The following TET2 variants were observed in gnomAD, a reference collection of about 807,000 sequenced individuals.
The protein encoded by TET2 is methylcytosine dioxygenase TET2.
TET2 carries 299 observed loss-of-function variants against 142.9 expected under a neutral mutation model. The observed-to-expected ratio is 2.09, with a 90% CI of 1.90 to 2.30. TET2 has a LOEUF of 2.30. Ranked by LOEUF, TET2 falls within the 30% of genes most tolerant of loss-of-function variation. TET2 has a pLI of 0.00. For missense variants in TET2, 2,418 were observed against 2,378.0 expected (o/e 1.02, Z -0.35); for synonymous variants, 819 against 849.0 (o/e 0.96, Z 0.61).
chr4:105,242,321 G>A (rs1385678314), intron 4 of TET2: 2 of 1,078,162 alleles, frequency 1.9e-6, no homozygotes, highest in African/African-American at 1.6e-5. Flanking sequence ...TGGTGCTTTG[G>A]TCATAAGGGA....
rs555109845 is a variant in TET2 at position 105,180,271 on chromosome 4, C to A, written c.-192-10089C>A. 1.1e-4 allele frequency among the ~76,000 whole-genome samples: 16 copies of A among 152,270 alleles called. 1 individual carries two copies. In the South Asian group the frequency reaches 3.3e-3, roughly 32 times the overall value. ...ATGCAGAGTCAGTGGCTTCTTTTTG[C>A]CAAACTCCACTTTGCTCAGTGATAA... On this transcript the variant is annotated intron_variant, in intron 1 of 10. Coordinates refer to ENST00000380013, the MANE Select transcript of TET2 (RefSeq NM_001127208.3).
At chr4:105,150,598 C>T (rs983075602) in intron 1 of TET2, among the ~76,000 whole-genome samples, 6 of 152,198 alleles carry the variant, frequency 3.9e-5, no homozygotes, top group Admixed American at 3.3e-4. Context: ...TCTCCCAAGC[C>T]AACTTTACAA....
At position 105,277,881 on chromosome 4, in the gene TET2, T is replaced by A; in HGVS notation, c.*1362T>A. On this transcript the variant is annotated 3_prime_UTR_variant, in exon 11 of 11. Transcript: ENST00000380013. ...AGAGAACTGAATGGCAGTCTGCCTT[T>A]GTGTTGATAATTATGTACATTGTGA... is the stretch of plus-strand genomic sequence containing the variant. The A allele has an allele frequency of 4.5e-6, 1 of 221,804 alleles. No individual in the cohort carries two copies. Among genetic ancestry groups the A allele is most frequent in the Non-Finnish European group, 9.0e-6 (1 of 110,948 alleles). The allele number at this position is 221,804 out of a possible 1,614,324, so 13.7% of individuals were successfully genotyped here. A position where few individuals can be genotyped will look rare whatever the true frequency, so the allele number is the denominator to read the frequency against.
At chr4:105,217,252 G>C (rs1159546710) in intron 2 of TET2, among the ~76,000 whole-genome samples, 1 of 151,986 alleles carries the variant, frequency 6.6e-6, no homozygotes, top group African/African-American at 2.4e-5. Flanking sequence ...TGAAGAGCGT[G>C]AATCATTAGA....
At chr4:105,180,898 C>T (rs2110449466) in intron 1 of TET2, among the ~76,000 whole-genome samples, 1 of 152,280 alleles carries the variant, frequency 6.6e-6, no homozygotes, top group Non-Finnish European at 1.5e-5. Flanking sequence ...CGCAGCCTCC[C>T]AAAGTGCTGG....
At chr4:105,185,539 C>T (rs541911288) in intron 1 of TET2, among the ~76,000 whole-genome samples, 21 of 151,586 alleles carry the variant, frequency 1.4e-4, no homozygotes, top group Non-Finnish European at 2.2e-4. Context: ...CCAGCACTTT[C>T]GGAGGCCGAG....
chr4:105,166,477 T>C lies in TET2; in HGVS notation c.-193+19498T>C, dbSNP rs1319160020. Among the ~76,000 whole-genome samples the C allele has an allele frequency of 4.6e-5, 7 of 152,214 alleles. No homozygotes were observed. In the East Asian group the frequency reaches 1.3e-3, roughly 29 times the overall value. Reference sequence around the variant, plus strand: ...TTGATGAATGAAATACACTTTCTTCTTGAAGTCTGATTTTTCTGTTCTAAT... The same window carrying C: ...TTGATGAATGAAATACACTTTCTTCCTGAAGTCTGATTTTTCTGTTCTAAT... On this transcript the variant is annotated intron_variant, in intron 1 of 10. Transcript: ENST00000380013.
rs2110254221 is a variant in TET2 at position 105,243,552 on chromosome 4, G to T, written c.3595-18G>T. 1 of 1,551,198 alleles carries T rather than the reference G, an allele frequency of 6.4e-7. No individual in the cohort carries two copies. Among genetic ancestry groups the T allele is most frequent in the Non-Finnish European group, 8.7e-7 (1 of 1,146,692 alleles). ...GTTGGGGTGGGGGGTGTTTGGGATG[G>T]AATGGTGATCCACGCAGGTGGTTCG... is the stretch of plus-strand genomic sequence containing the variant. On this transcript the variant is annotated intron_variant, in intron 5 of 10. Coordinates refer to ENST00000380013, the MANE Select transcript of TET2 (RefSeq NM_001127208.3).
At chr4:105,217,185 T>C (rs1288469879) in intron 2 of TET2, among the ~76,000 whole-genome samples, 1 of 152,030 alleles carries the variant, frequency 6.6e-6, no homozygotes, top group African/African-American at 2.4e-5. Context: ...TTGGATGGTC[T>C]GTTTAGCTCA....
chr4:105,185,238 T>G (rs73836040), intron 1 of TET2, among the ~76,000 whole-genome samples: 3,688 of 152,216 alleles, frequency 0.024, 160 homozygotes, highest in African/African-American at 0.085. Context: ...TAGAATTATT[T>G]ACCTTTCCCC....
intron 1 of TET2, among the ~76,000 whole-genome samples, chr4:105,153,157 G>A (rs995337821): frequency 3.3e-5 from 5 of 152,086 alleles, no homozygotes; most frequent in African/African-American, 7.2e-5. Flanking sequence ...GAGATTCCAC[G>A]TATACTTGCT....
Position 105,276,692 on chromosome 4 carries a change from T to A in TET2, c.*173T>A, listed in dbSNP as rs1731239654. On this transcript the variant is annotated 3_prime_UTR_variant, in exon 11 of 11. Coordinates refer to ENST00000380013, the MANE Select transcript of TET2 (RefSeq NM_001127208.3). ...AGGTTATCTTACCATAGCACTTAAT[T>A]TTCACTGGCTCCCAAGTGGTCACAG... The A allele has an allele frequency of 2.0e-5, 14 of 690,074 alleles. No individual in the cohort carries two copies. The South Asian group carries it at 3.5e-4, about 17-fold the overall frequency. 42.7% of individuals were successfully genotyped at this position (690,074 alleles called of 1,614,324 possible). A position where few individuals can be genotyped will look rare whatever the true frequency, so the allele number is the denominator to read the frequency against.
Position 105,235,666 on chromosome 4 carries a change from C to G in TET2, c.1724C>G (p.Ala575Gly), listed in dbSNP as rs199640757. 4 of 1,614,000 alleles carry G rather than the reference C, an allele frequency of 2.5e-6. No individual in the cohort carries two copies. The African/African-American group carries it at 5.3e-5, about 22-fold the overall frequency. The stretch of plus-strand genomic sequence containing the variant: ...TTGAAGGCCCCTCGTTTTCACCAAG[C>G]GGAATCCCATCTAAAACGTAATGAG... ...IELKAPRFHQ[A>G]ESHLKRNEAS... The change falls in exon 3 of 11, where the codon GCG becomes GGG. Residue 575 changes from alanine (A) to glycine (G), a missense_variant. Physicochemically the swap from Ala to Gly is moderately conservative, Grantham distance 60 (BLOSUM62 0). Transcript: ENST00000380013.
intron 6 of TET2, among the ~76,000 whole-genome samples, chr4:105,244,443 G>GT (rs1729473458): frequency 1.3e-5 from 2 of 152,082 alleles, no homozygotes; most frequent in Non-Finnish European, 2.9e-5. Flanking sequence ...AGTTGCTAAT[G>GT]TTTTGTTTTA....
chr4:105,261,408 A>G (rs572285689), intron 7 of TET2, among the ~76,000 whole-genome samples: 1 of 152,246 alleles, frequency 6.6e-6, no homozygotes, highest in East Asian at 1.9e-4. Flanking sequence ...AAGCTAAAGA[A>G]GTTCTTTTAA....
intron 1 of TET2, among the ~76,000 whole-genome samples, chr4:105,159,751 C>G (rs540176425): frequency 2.1e-4 from 32 of 152,270 alleles, no homozygotes; most frequent in Admixed American, 1.8e-3. Context: ...CAGGATGGCT[C>G]ACGCCTGTAA....
chr4:105,167,045 C>G (rs1197842076), intron 1 of TET2, among the ~76,000 whole-genome samples: 1 of 151,890 alleles, frequency 6.6e-6, no homozygotes, highest in African/African-American at 2.4e-5. Flanking sequence ...TTCACCCTAT[C>G]TTTATGAAAC....
intron 2 of TET2, among the ~76,000 whole-genome samples, chr4:105,222,338 A>G (rs1044193581): frequency 1.3e-5 from 2 of 152,196 alleles, no homozygotes; most frequent in Admixed American, 6.5e-5. Flanking sequence ...CCAACAGCGT[A>G]AAAGTGTTCC....
intron 2 of TET2, among the ~76,000 whole-genome samples, chr4:105,209,107 G>A (rs908714231): frequency 1.7e-5 from 2 of 119,642 alleles, no homozygotes; most frequent in African/African-American, 2.8e-5. Flanking sequence ...ATGTTTGAGC[G>A]AGGGGCACTT....
Sources: gnomAD v4.1 joint callset for allele counts (sites outside exome capture counted in the v4.1 genomes callset) on GRCh38, gnomAD v4.1.1 for gene constraint, MANE v1.5 for transcripts, NCBI Gene and HGNC (gene_info 2026-07-23, HGNC 2026-07-21) for gene names.